The following ZNF112 variants were observed in gnomAD, a reference collection of about 807,000 sequenced individuals.
ZNF112 encodes the protein zinc finger protein 112 (Y14).
Under a neutral mutation model 77.7 loss-of-function variants are expected in ZNF112, and 37 were observed. That is an observed-to-expected ratio of 0.48 (90% CI 0.37 to 0.63). The LOEUF (loss-of-function observed/expected upper bound fraction) is 0.63. ZNF112 is among the 20% of genes least tolerant of loss of function. The pLI is 0.00. For missense variants in ZNF112, 950 were observed against 1,077.4 expected (o/e 0.88, Z 1.66); for synonymous variants, 333 against 363.6 (o/e 0.92, Z 0.96).
At chr19:44,366,776 T>G (rs1363641047) in intron 1 of ZNF112, among the ~76,000 whole-genome samples, 1 of 151,490 alleles carries the variant, frequency 6.6e-6, no homozygotes, top group Non-Finnish European at 1.5e-5. Context: ...AGCTTTCAGG[T>G]AACTGGGGCT....
rs1428461967 is a variant in ZNF112, at chr19:44,328,769, T to C, written c.1388A>G (p.Gln463Arg). Reference sequence around the variant, plus strand: ...ACTACACACATAGCGTTTATATGGTTGTTCCTTAGTGTGGACTATCTGAAG... The same window carrying C: ...ACTACACACATAGCGTTTATATGGTCGTTCCTTAGTGTGGACTATCTGAAG... ...QDLQIVHTKE[Q>R]PYKRYVCSNS... Residue 463 changes from glutamine to arginine, a missense_variant, in exon 4 of 4, where the codon CAA becomes CGA. Gln to Arg is a conservative substitution (Grantham distance 43). This residue lies in a region of ZNF112 where 560 missense variants were observed against 557.3 expected (regional missense o/e 1.00). Coordinates refer to ENST00000354340, the MANE Select transcript of ZNF112 (RefSeq NM_013380.4). The C allele has an allele frequency of 1.9e-6, 3 of 1,614,022 alleles. No individual in the cohort carries two copies. The highest frequency in any genetic ancestry group is 1.7e-6 in the Non-Finnish European group (2 of 1,180,004).
At chr19:44,366,356 G>A (rs1970904378) in intron 1 of ZNF112, among the ~76,000 whole-genome samples, 1 of 151,870 alleles carries the variant, frequency 6.6e-6, no homozygotes, top group Non-Finnish European at 1.5e-5. Context: ...TATAAGGAGG[G>A]GATCTTCTTT....
In ZNF112 at chr19:44,327,171, T is replaced by C; in HGVS notation, c.*262A>G. On this transcript the variant is annotated 3_prime_UTR_variant, in exon 4 of 4. Transcript: ENST00000354340. ...GCTTACATTCTAGAGAACATGGATT[T>C]AGGCATGCTCATCACTGTACTTTTA... 2.9e-6 allele frequency: 1 copy of C among 339,208 alleles called. No individual in the cohort carries two copies. Among genetic ancestry groups the C allele is most frequent in the Admixed American group, 4.4e-5 (1 of 22,904 alleles). 21.0% of individuals were successfully genotyped at this position (339,208 alleles called of 1,614,324 possible). A position where few individuals can be genotyped will look rare whatever the true frequency, so the allele number is the denominator to read the frequency against.
At chr19:44,355,035 C>T (rs1270297447) in intron 1 of ZNF112, among the ~76,000 whole-genome samples, 1 of 151,412 alleles carries the variant, frequency 6.6e-6, no homozygotes, top group African/African-American at 2.4e-5. Context: ...TATACTAAGT[C>T]GATGTTAGAG....
At chr19:44,330,798 G>C (rs75755788) in intron 3 of ZNF112, among the ~76,000 whole-genome samples, 2,771 of 152,310 alleles carry the variant, frequency 0.018, 37 homozygotes, top group Middle Eastern at 0.037. Flanking sequence ...GTTTCCAGGA[G>C]ATCTGAAGGG....
At chr19:44,354,175 T>C (rs529651665) in intron 1 of ZNF112, among the ~76,000 whole-genome samples, 1 of 152,050 alleles carries the variant, frequency 6.6e-6, no homozygotes, top group Non-Finnish European at 1.5e-5. Flanking sequence ...AACTATAGCG[T>C]TTTAGTGGTT....
intron 1 of ZNF112, chr19:44,343,385 C>T (rs1268788438): frequency 8.6e-7 from 1 of 1,163,166 alleles, no homozygotes; most frequent in African/African-American, 1.6e-5. Context: ...AAAAGGTGTC[C>T]CTTCCCCCAG....
chr19:44,347,286 T>C (rs1291875078), intron 1 of ZNF112, among the ~76,000 whole-genome samples: 1 of 152,230 alleles, frequency 6.6e-6, no homozygotes, highest in Middle Eastern at 3.4e-3. Flanking sequence ...TAAATGGAGT[T>C]ATTTTAGACC....
chr19:44,332,067 C>G (rs1568662071), intron 3 of ZNF112, among the ~76,000 whole-genome samples: 1 of 152,192 alleles, frequency 6.6e-6, no homozygotes, highest in South Asian at 2.1e-4. Context: ...GACCCAGCTA[C>G]TCAGAAAGCT....
In ZNF112 at chr19:44,353,409, A is replaced by G. The variant is rs560908556; in HGVS notation, c.-4+3217T>C. On this transcript the variant is annotated intron_variant, in intron 1 of 3. Transcript: ENST00000354340. Reference sequence around the variant, plus strand: ...TGATAAATTAGATGTAATTAAAATTAGAAATTTTGTTCTGCAAAAGACACT... The same window carrying G: ...TGATAAATTAGATGTAATTAAAATTGGAAATTTTGTTCTGCAAAAGACACT... Among the ~76,000 whole-genome samples, 4 of 152,252 alleles carry G rather than the reference A, an allele frequency of 2.6e-5. No homozygotes were observed. The East Asian group carries it at 7.7e-4, about 29-fold the overall frequency.
chr19:44,356,816 T>G (rs1328648259), upstream of ZNF112: 2 of 152,006 alleles, frequency 1.3e-5, no homozygotes, highest in African/African-American at 4.8e-5. Context: ...CTAGAAAAAC[T>G]CTCCACTTAT....
intron 1 of ZNF112, among the ~76,000 whole-genome samples, chr19:44,350,119 A>G (rs1290152642): frequency 6.6e-6 from 1 of 152,092 alleles, no homozygotes; most frequent in Non-Finnish European, 1.5e-5. Context: ...GTGGTAAAAG[A>G]TATGTTGGAG....
chr19:44,363,374 C>T (rs550939570), intron 1 of ZNF112, among the ~76,000 whole-genome samples: 71 of 152,296 alleles, frequency 4.7e-4, no homozygotes, highest in African/African-American at 1.7e-3. Flanking sequence ...TCTTAGCCAT[C>T]TATCTAGCTA....
Position 44,328,041 on chromosome 19 carries a change from G to C in ZNF112, c.2116C>G (p.Gln706Glu). The C allele has an allele frequency of 1.9e-6, 3 of 1,613,940 alleles. No individual in the cohort carries two copies. Among genetic ancestry groups the C allele is most frequent in the Non-Finnish European group, 2.5e-6 (3 of 1,179,956 alleles). Residue 706 changes from glutamine (Q) to glutamate (E), a missense_variant, in exon 4 of 4, where the codon CAG becomes GAG. By Grantham distance (29) the Gln-to-Glu change is conservative (BLOSUM62 2). This residue lies in a region of ZNF112 where 373 missense variants were observed against 482.8 expected (regional missense o/e 0.77). Coordinates refer to ENST00000354340, the MANE Select transcript of ZNF112 (RefSeq NM_013380.4). ...FSQRSYLQSHQSVHSGERPYI... is the reference protein window; with the variant it reads ...FSQRSYLQSHESVHSGERPYI... ...GGTCTTTCTCCAGAATGGACACTCT[G>C]ATGACTCTGAAGGTATGATCTCTGA... is the stretch of plus-strand genomic sequence containing the variant.
At chr19:44,343,288 G>A (rs369565825) in intron 1 of ZNF112, 355 of 1,612,472 alleles carry the variant, frequency 2.2e-4, no homozygotes, top group Non-Finnish European at 2.9e-4. Flanking sequence ...TCTTTTTCTA[G>A]AGAAAGGCAG....
Position 44,328,144 on chromosome 19 carries a change from G to A in ZNF112, c.2013C>T (p.Ala671=). ...CEECGKGFSK[A]STLLAHQRVH... ...CCCTCTGATGGGCCAAAAGTGTTGA[G>A]GCCTTACTGAAGCCTTTACCACATT... Residue 671 remains alanine (A), a synonymous_variant, in exon 4 of 4, where the codon GCC becomes GCT. Coordinates refer to ENST00000354340, the MANE Select transcript of ZNF112 (RefSeq NM_013380.4). The A allele has an allele frequency of 6.2e-7, 1 of 1,613,508 alleles. No individual in the cohort carries two copies.
intron 1 of ZNF112, among the ~76,000 whole-genome samples, chr19:44,347,632 C>T (rs141230130): frequency 1.3e-3 from 195 of 149,522 alleles, no homozygotes; most frequent in African/African-American, 4.6e-3. Flanking sequence ...TACTGTTTTA[C>T]TACTTTTTGT....
intron 2 of ZNF112, among the ~76,000 whole-genome samples, chr19:44,337,943 T>TC (rs1970417062): frequency 7.8e-6 from 1 of 127,464 alleles, no homozygotes; most frequent in East Asian, 2.3e-4. Context: ...ATACCTAGCA[T>TC]CCAGACTTTG....
chr19:44,332,282 A>G (rs1213793728), intron 3 of ZNF112, among the ~76,000 whole-genome samples: 2 of 152,336 alleles, frequency 1.3e-5, no homozygotes, highest in East Asian at 3.9e-4. Flanking sequence ...AGGAAAAAAG[A>G]AAAGGCCACA....
Sources: allele counts gnomAD v4.1 joint callset (sites outside exome capture counted in the v4.1 genomes callset), GRCh38; gene constraint gnomAD v4.1.1; regional missense constraint gnomAD v4.1.1; transcripts MANE v1.5; gene names NCBI Gene and HGNC (gene_info 2026-07-23, HGNC 2026-07-21).